Variants in TNFAIP6 observed in about 807,000 individuals in gnomAD.
The protein encoded by TNFAIP6 is TNF alpha induced protein 6, also known as tumor necrosis factor-inducible gene 6 protein.
TNFAIP6 carries 36 observed loss-of-function variants against 33.7 expected under a neutral mutation model. That is an observed-to-expected ratio of 1.07 (90% confidence interval 0.82 to 1.41). TNFAIP6 has a LOEUF of 1.41. Among genes scored for constraint, TNFAIP6 ranks in the 40% most tolerant of loss-of-function variants. The pLI, the probability that TNFAIP6 is intolerant of heterozygous loss-of-function variation, is 0.00. For synonymous variants in TNFAIP6, 113 were observed against 112.8 expected, an observed-to-expected ratio of 1.00 and a Z score of -0.01; for missense variants, 273 against 331.9, an observed-to-expected ratio of 0.82 and a Z score of 1.38.
At chr2:151,376,140 G>A (rs1057508198) in intron 5 of TNFAIP6, among the ~76,000 whole-genome samples, 4 of 152,122 alleles carry the variant, frequency 2.6e-5, no homozygotes, top group Non-Finnish European at 4.4e-5. Flanking sequence ...CAGTTACTCA[G>A]GAGGCTGAGG....
At chr2:151,364,136 A>G in intron 2 of TNFAIP6, 56 bp downstream of exon 2, 2 of 1,578,444 alleles carry the variant, frequency 1.3e-6, no homozygotes, top group South Asian at 1.2e-5. Context: ...AAAAAAATCC[A>G]TCTTTCCTAA....
At position 151,359,966 on chromosome 2, in the gene TNFAIP6, G is replaced by A. The variant is rs74878963; in HGVS notation, c.94+2206G>A. Among the ~76,000 whole-genome samples, 495 of 152,260 alleles carry A rather than the reference G, an allele frequency of 3.3e-3. 11 individuals are homozygous for A. The East Asian group carries it at 0.06, about 18-fold the overall frequency. ...GGATCATGAGAATAAAAAATGCACA[G>A]ATAAGCAATTATTTTTATTGTTGAA... On this transcript the variant is annotated intron_variant, in intron 1 of 5. Transcript: ENST00000243347.
intron 1 of TNFAIP6, among the ~76,000 whole-genome samples, chr2:151,362,056 T>A (rs569753955): frequency 1.3e-5 from 2 of 152,212 alleles, no homozygotes; most frequent in Non-Finnish European, 2.9e-5. Flanking sequence ...GAAATATGTA[T>A]GTCCTCACTG....
At chr2:151,359,116 A>G (rs1411656575) in intron 1 of TNFAIP6, among the ~76,000 whole-genome samples, 1 of 152,214 alleles carries the variant, frequency 6.6e-6, no homozygotes, top group East Asian at 1.9e-4. Context: ...TCAAACGTCT[A>G]TTAATGTATG....
intron 3 of TNFAIP6, among the ~76,000 whole-genome samples, chr2:151,367,731 C>G (rs1186186021): frequency 6.6e-6 from 1 of 152,080 alleles, no homozygotes; most frequent in African/African-American, 2.4e-5. Flanking sequence ...TTACCCAATT[C>G]TCAGTGCATT....
chr2:151,365,365 G>A lies in TNFAIP6; in HGVS notation c.233-691G>A, dbSNP rs139775367. On this transcript the variant is annotated intron_variant, in intron 2 of 5. Coordinates refer to ENST00000243347, the MANE Select transcript of TNFAIP6 (RefSeq NM_007115.4). ...CTCTAAATAAATAAATAGGCCAGGC[G>A]TGGTGGTTCATGCCTGTAATCCTAG... Among the ~76,000 whole-genome samples, 214 of 152,078 alleles carry A rather than the reference G, an allele frequency of 1.4e-3. 1 individual carries two copies. The highest frequency in any genetic ancestry group is 5.0e-3 in the African/African-American group (209 of 41,470).
At chr2:151,373,057 C>T (rs1173613859) in intron 4 of TNFAIP6, among the ~76,000 whole-genome samples, 1 of 152,152 alleles carries the variant, frequency 6.6e-6, no homozygotes, top group Non-Finnish European at 1.5e-5. Context: ...GTGGCTCACA[C>T]CTGTAATCCC....
intron 5 of TNFAIP6, among the ~76,000 whole-genome samples, chr2:151,377,197 T>A (rs893023362): frequency 5.3e-5 from 8 of 150,760 alleles, no homozygotes; most frequent in Admixed American, 5.3e-4. Context: ...TGAGAGTGAG[T>A]CTCGCTCTGT....
chr2:151,376,868 T>TTTC (rs1553467579), intron 5 of TNFAIP6, among the ~76,000 whole-genome samples: 33 of 145,066 alleles, frequency 2.3e-4, no homozygotes, highest in South Asian at 8.8e-4. Flanking sequence ...TTCTTTTCTT[T>TTTC]TTTTTTTTTT....
intron 4 of TNFAIP6, among the ~76,000 whole-genome samples, chr2:151,370,469 A>G (rs565765916): frequency 3.0e-4 from 45 of 150,214 alleles, no homozygotes; most frequent in Non-Finnish European, 5.1e-4. Flanking sequence ...AGTTGTAAGA[A>G]CTAGTTAGTC....
Position 151,357,765 on chromosome 2 carries a change from G to A in TNFAIP6, c.94+5G>A. ...TTCATAACTCCATATGGCTTGGTAAGAACCTTCACTCATGAGCCTCTTGTT... is the reference window on the plus strand; with the variant it reads ...TTCATAACTCCATATGGCTTGGTAAAAACCTTCACTCATGAGCCTCTTGTT... On this transcript the variant is annotated splice_donor_5th_base_variant and intron_variant, in intron 1 of 5. Transcript: ENST00000243347. 2 of 1,563,086 alleles carry A rather than the reference G, an allele frequency of 1.3e-6. No homozygotes were observed. The highest frequency in any genetic ancestry group is 1.8e-6 in the Non-Finnish European group (2 of 1,134,114).
chr2:151,377,657 A>G (rs886756674), intron 5 of TNFAIP6, among the ~76,000 whole-genome samples: 2 of 151,680 alleles, frequency 1.3e-5, no homozygotes, highest in African/African-American at 2.4e-5. Context: ...TTAAATGTCT[A>G]TTAGCCCTTT....
At chr2:151,373,065 C>T (rs1408202695) in intron 4 of TNFAIP6, among the ~76,000 whole-genome samples, 2 of 152,150 alleles carry the variant, frequency 1.3e-5, no homozygotes, top group Non-Finnish European at 2.9e-5. Context: ...CACCTGTAAT[C>T]CCAACACTTT....
At chr2:151,358,131 G>C (rs1684566429) in intron 1 of TNFAIP6, among the ~76,000 whole-genome samples, 1 of 152,130 alleles carries the variant, frequency 6.6e-6, no homozygotes. Context: ...TTTGCAATCA[G>C]ATTTCAGAAT....
chr2:151,360,374 A>T (rs1684607682), intron 1 of TNFAIP6, among the ~76,000 whole-genome samples: 1 of 152,304 alleles, frequency 6.6e-6, no homozygotes, highest in East Asian at 1.9e-4. Flanking sequence ...CATTAGTCCC[A>T]TTTGACAAAT....
chr2:151,379,382 A>C lies in TNFAIP6; in HGVS notation c.683A>C (p.Lys228Thr). 6.3e-7 allele frequency: 1 copy of C among 1,598,386 alleles called. No homozygotes were observed. Among genetic ancestry groups the C allele is most frequent in the South Asian group, 1.1e-5 (1 of 87,894 alleles). Residue 228 changes from lysine (K) to threonine (T), a missense_variant, in exon 6 of 6, where the codon AAG (lysine) becomes ACG (threonine). Coordinates refer to ENST00000243347, the MANE Select transcript of TNFAIP6 (RefSeq NM_007115.4). ...GCAACAGGAAATGTCATGACCTTGA[A>C]GTTTCTAAGTGATGCTTCAGTGACA... is the stretch of plus-strand genomic sequence containing the variant. The part of the protein sequence containing the change: ...IISTGNVMTL[K>T]FLSDASVTAG...
intron 1 of TNFAIP6, among the ~76,000 whole-genome samples, chr2:151,361,120 G>C (rs1044610072): frequency 6.6e-6 from 1 of 152,082 alleles, no homozygotes; most frequent in African/African-American, 2.4e-5. Context: ...CTGTCGCCCA[G>C]GCTGGGGTGT....
chr2:151,358,904 G>A (rs984745404), intron 1 of TNFAIP6, among the ~76,000 whole-genome samples: 3 of 152,046 alleles, frequency 2.0e-5, no homozygotes, highest in African/African-American at 4.8e-5. Context: ...TCAAATATAG[G>A]AAATACACTC....
chr2:151,362,541 A>G (rs1684643881), intron 1 of TNFAIP6, among the ~76,000 whole-genome samples: 1 of 112,924 alleles, frequency 8.9e-6, no homozygotes, highest in African/African-American at 3.6e-5. Flanking sequence ...CCCAGGCTGG[A>G]GTGCAGTGGC....
Sources: allele counts gnomAD v4.1 joint callset (sites outside exome capture counted in the v4.1 genomes callset), GRCh38; gene constraint gnomAD v4.1.1; transcripts MANE v1.5; gene names NCBI Gene and HGNC (gene_info 2026-07-23, HGNC 2026-07-21).